The following CDH23 variants were observed in gnomAD, a reference collection of about 807,000 sequenced individuals.
The protein encoded by CDH23 is cadherin-23.
Under a neutral mutation model 317.1 loss-of-function variants are expected in CDH23, and 189 were observed. The ratio of observed to expected loss-of-function variants is 0.60; its 90% CI spans 0.53 to 0.67. The LOEUF is 0.67. CDH23 is among the 30% of genes least tolerant of loss of function. The pLI is 0.00. For missense variants in CDH23, 4,401 were observed against 4,592.4 expected, an observed-to-expected ratio of 0.96 and a Z score of 1.20; for synonymous variants, 1,839 against 1,876.8, an observed-to-expected ratio of 0.98 and a Z score of 0.52.
chr10:71,526,780 G>T (rs1249675607), intron 6 of CDH23, among the ~76,000 whole-genome samples: 3 of 152,166 alleles, frequency 2.0e-5, no homozygotes, highest in South Asian at 2.1e-4. Context: ...TGGCCAAGGC[G>T]TTGGGATTCT....
At chr10:71,427,251 G>A (rs1295615608) in intron 1 of CDH23, among the ~76,000 whole-genome samples, 4 of 136,756 alleles carry the variant, frequency 2.9e-5, no homozygotes, top group African/African-American at 1.1e-4. Flanking sequence ...GAAAGGGAAA[G>A]AAAGAAAGAG....
intron 3 of CDH23, among the ~76,000 whole-genome samples, chr10:71,455,142 C>T (rs1201299794): frequency 1.3e-5 from 2 of 152,098 alleles, no homozygotes; most frequent in African/African-American, 4.8e-5. Flanking sequence ...GCACCTGGCC[C>T]CTTATTTTAT....
chr10:71,402,748 C>T (rs1269887884), intron 1 of CDH23, among the ~76,000 whole-genome samples: 2 of 141,620 alleles, frequency 1.4e-5, no homozygotes, highest in African/African-American at 5.4e-5. Flanking sequence ...TGTGTGTGCA[C>T]GCGCGCGCGC....
At chr10:71,637,407 T>C (rs535036141) in intron 11 of CDH23, among the ~76,000 whole-genome samples, 1 of 152,262 alleles carries the variant, frequency 6.6e-6, no homozygotes, top group African/African-American at 2.4e-5. Flanking sequence ...AGCTCTCCTC[T>C]ATTGAACACT....
At chr10:71,814,875 A>G (rs1842075301) in intron 69 of CDH23, 77 bp from the exon 70 acceptor site, 1 of 1,461,988 alleles carries the variant, frequency 6.8e-7, no homozygotes, top group South Asian at 1.4e-5. Context: ...CCACATAGCC[A>G]GTGGGTCTCT....
At chr10:71,504,926 C>G (rs1389419191) in intron 3 of CDH23, among the ~76,000 whole-genome samples, 1 of 152,200 alleles carries the variant, frequency 6.6e-6, no homozygotes, top group Non-Finnish European at 1.5e-5. Context: ...TGAGCGTCTC[C>G]TGCAGGGAGA....
chr10:71,402,409 G>A (rs1348498239), intron 1 of CDH23, among the ~76,000 whole-genome samples: 1 of 152,178 alleles, frequency 6.6e-6, no homozygotes, highest in Non-Finnish European at 1.5e-5. Flanking sequence ...TTGATATTGA[G>A]CACCAGTTCT....
At chr10:71,417,317 T>C (rs1848579296) in intron 1 of CDH23, among the ~76,000 whole-genome samples, 1 of 152,196 alleles carries the variant, frequency 6.6e-6, no homozygotes, top group Non-Finnish European at 1.5e-5. Context: ...CCTCAGGTGA[T>C]CCGCCTGCCT....
chr10:71,597,903 C>T (rs1046008254), intron 9 of CDH23, among the ~76,000 whole-genome samples: 1 of 152,212 alleles, frequency 6.6e-6, no homozygotes, highest in African/African-American at 2.4e-5. Flanking sequence ...GATCCCGCCC[C>T]ACCCCCACCC....
intron 53 of CDH23, among the ~76,000 whole-genome samples, chr10:71,802,577 T>C: frequency 6.6e-6 from 1 of 152,020 alleles, no homozygotes. Flanking sequence ...CAGCAAGGAA[T>C]AAAGTAGGAG....
Position 71,793,474 on chromosome 10 carries a change from C to A in CDH23, c.6546C>A (p.Ser2182Arg). 6.2e-7 allele frequency: 1 copy of A among 1,613,998 alleles called. No individual in the cohort carries two copies. Residue 2182 changes from serine to arginine, a missense_variant, in exon 48 of 70, where the codon AGC becomes AGA. By Grantham distance (110) the Ser-to-Arg change is moderately radical. This residue lies in a region of CDH23 where 3,068 missense variants were observed against 3,203.3 expected (regional missense o/e 0.96). Transcript: ENST00000224721. ...PEFLNPIQTV[S>R]VLESAEPGTV... ...TCCTCAACCCCATCCAGACAGTGAG[C>A]GTGCTGGAGTCGGCTGAGCCAGGCA...
chr10:71,687,742 G>C (rs181522339), intron 19 of CDH23, 23 bp downstream of exon 19: 4 of 1,609,482 alleles, frequency 2.5e-6, no homozygotes, highest in Non-Finnish European at 3.4e-6. Flanking sequence ...GTCGGGGGGT[G>C]GGGGGCACAT....
intron 3 of CDH23, among the ~76,000 whole-genome samples, chr10:71,485,016 CTTTTTTCTTTTTTT>C (rs1045956142): frequency 2.3e-5 from 3 of 129,058 alleles, no homozygotes; most frequent in African/African-American, 8.9e-5. Flanking sequence ...CTTTTCGTTT[CTTTTTTCTTTTTTT>C]TTTTTTTTTT....
At chr10:71,566,000 T>C (rs7100757) in intron 6 of CDH23, among the ~76,000 whole-genome samples, 75,868 of 152,026 alleles carry the variant, frequency 0.5, 19,522 homozygotes, top group African/African-American at 0.62. Flanking sequence ...TGAGGGAGCC[T>C]GCTGGGTTCA....
At chr10:71,813,184 G>A in intron 68 of CDH23, 60 bp from the exon 69 acceptor site, 2 of 1,469,334 alleles carry the variant, frequency 1.4e-6, no homozygotes, top group South Asian at 1.2e-5. Context: ...GAGGGAGTGG[G>A]CGAGGGGCGG....
At chr10:71,644,958 A>C (rs1862758011) in intron 12 of CDH23, among the ~76,000 whole-genome samples, 1 of 152,222 alleles carries the variant, frequency 6.6e-6, no homozygotes, top group Non-Finnish European at 1.5e-5. Context: ...TCACTTTCTG[A>C]GCAGGCCAGA....
At chr10:71,512,070 A>G (rs1206023591) in intron 6 of CDH23, 2 of 152,246 alleles carry the variant, frequency 1.3e-5, no homozygotes, top group African/African-American at 4.8e-5. Context: ...TGATCCAATG[A>G]CTGATCAGGG....
intron 38 of CDH23, among the ~76,000 whole-genome samples, chr10:71,742,253 G>C (rs913253960): frequency 6.6e-6 from 1 of 152,222 alleles, no homozygotes; most frequent in African/African-American, 2.4e-5. Context: ...AAGTGGGTAT[G>C]AATCTAGCCC....
At chr10:71,409,745 A>G (rs1203606532) in intron 1 of CDH23, among the ~76,000 whole-genome samples, 1 of 152,148 alleles carries the variant, frequency 6.6e-6, no homozygotes, top group East Asian at 1.9e-4. Flanking sequence ...CCCCAGACCC[A>G]TGCTGCAGCC....
Sources: gnomAD v4.1 joint callset for allele counts (sites outside exome capture counted in the v4.1 genomes callset) on GRCh38, gnomAD v4.1.1 for gene constraint, gnomAD v4.1.1 regional missense constraint, MANE v1.5 for transcripts, NCBI Gene and HGNC (gene_info 2026-07-23, HGNC 2026-07-21) for gene names.